GLRX3: variants seen among roughly 807,000 people sequenced by gnomAD.
GLRX3 encodes the protein glutaredoxin-3.
In GLRX3, 22 loss-of-function variants were observed where a neutral mutation model predicts 49.5. That is an observed-to-expected ratio of 0.44 (90% CI 0.32 to 0.63). GLRX3 has a LOEUF of 0.63. GLRX3 is among the 30% of genes least tolerant of loss of function. The pLI is 0.05. For missense variants in GLRX3, 385 were observed against 396.3 expected (o/e 0.97, Z 0.24); for synonymous variants, 133 against 140.0 (o/e 0.95, Z 0.35).
intron 2 of GLRX3, among the ~76,000 whole-genome samples, chr10:130,151,578 G>A (rs924067293): frequency 2.0e-5 from 3 of 151,566 alleles, no homozygotes; most frequent in African/African-American, 7.3e-5. Flanking sequence ...GTGTCCATGT[G>A]TTCTCATTGT....
intron 4 of GLRX3, among the ~76,000 whole-genome samples, chr10:130,164,158 T>A (rs1862636729): frequency 2.6e-5 from 4 of 152,166 alleles, no homozygotes; most frequent in Admixed American, 2.6e-4. Context: ...ACCTGCAGAA[T>A]TGTATGGTGT....
At chr10:130,170,975 A>G (rs1488035781) in intron 7 of GLRX3, among the ~76,000 whole-genome samples, 1 of 152,072 alleles carries the variant, frequency 6.6e-6, no homozygotes, top group Non-Finnish European at 1.5e-5. Flanking sequence ...AAAAATACAA[A>G]AAGTTTGCTG....
At position 130,166,706 on chromosome 10, in the gene GLRX3, T is replaced by C. The variant is rs372431410; in HGVS notation, c.651+27T>C. On this transcript the variant is annotated intron_variant, in intron 5 of 10. Coordinates refer to ENST00000331244, the MANE Select transcript of GLRX3 (RefSeq NM_006541.5). ...TTAGAATTGAGAAGTCTGTGCTTTG[T>C]AAAGAAATTCCATTTAGAGCATACT... 9.0e-6 allele frequency: 13 copies of C among 1,447,718 alleles called. No homozygotes were observed. The African/African-American group carries it at 1.6e-4, about 17-fold the overall frequency. The allele number at this position is 1,447,718 out of a possible 1,614,324, so 89.7% of individuals were successfully genotyped here.
At chr10:130,168,471 C>A (rs1862736491) in intron 6 of GLRX3, among the ~76,000 whole-genome samples, 1 of 152,050 alleles carries the variant, frequency 6.6e-6, no homozygotes, top group African/African-American at 2.4e-5. Flanking sequence ...TTGAGACGGA[C>A]TCTGGCTCTG....
intron 4 of GLRX3, among the ~76,000 whole-genome samples, chr10:130,164,814 G>T (rs1862650558): frequency 6.6e-6 from 1 of 152,192 alleles, no homozygotes; most frequent in East Asian, 1.9e-4. Context: ...TTCTCAGCCA[G>T]TTACAGTAAA....
intron 4 of GLRX3, among the ~76,000 whole-genome samples, chr10:130,162,168 T>G (rs571124092): frequency 1.2e-4 from 19 of 152,208 alleles, no homozygotes; most frequent in African/African-American, 4.3e-4. Flanking sequence ...TTAGTAGAGA[T>G]AGGGTTTGTC....
At chr10:130,148,389 C>T (rs1183076029) in intron 2 of GLRX3, among the ~76,000 whole-genome samples, 1 of 147,050 alleles carries the variant, frequency 6.8e-6, no homozygotes, top group East Asian at 2.0e-4. Flanking sequence ...CCTTGGCCTC[C>T]CAAAGTGCTC....
intron 8 of GLRX3, among the ~76,000 whole-genome samples, chr10:130,172,587 A>G (rs1862833207): frequency 6.6e-6 from 1 of 152,230 alleles, no homozygotes; most frequent in Non-Finnish European, 1.5e-5. Flanking sequence ...TCTTTGATAT[A>G]CTTCAAAGAT....
chr10:130,170,532 G>A (rs1289502290), intron 7 of GLRX3, among the ~76,000 whole-genome samples: 1 of 151,954 alleles, frequency 6.6e-6, no homozygotes, highest in African/African-American at 2.4e-5. Context: ...ATTAGGTTAG[G>A]GCCTAAATTC....
chr10:130,162,281 T>C (rs1862589603), intron 4 of GLRX3, among the ~76,000 whole-genome samples: 1 of 152,150 alleles, frequency 6.6e-6, no homozygotes, highest in Non-Finnish European at 1.5e-5. Context: ...CCATGAATTC[T>C]GTCTTAAAAG....
At chr10:130,161,260 G>A (rs1862571876) in intron 4 of GLRX3, among the ~76,000 whole-genome samples, 2 of 152,202 alleles carry the variant, frequency 1.3e-5, no homozygotes, top group African/African-American at 4.8e-5. Flanking sequence ...GAAGTCCTCA[G>A]ACTCAAAGAT....
intron 1 of GLRX3, among the ~76,000 whole-genome samples, chr10:130,139,136 T>A (rs1862125039): frequency 1.3e-5 from 2 of 151,442 alleles, no homozygotes; most frequent in South Asian, 4.2e-4. Context: ...ATTACAGGCA[T>A]GAGCCACTGC....
At chr10:130,176,140 T>G (rs1188894818) in intron 10 of GLRX3, among the ~76,000 whole-genome samples, 1 of 152,034 alleles carries the variant, frequency 6.6e-6, no homozygotes, top group African/African-American at 2.4e-5. Flanking sequence ...CATTTTTTTT[T>G]GAGAGAGTTT....
chr10:130,141,006 C>T (rs547834842), intron 1 of GLRX3, among the ~76,000 whole-genome samples: 2 of 152,294 alleles, frequency 1.3e-5, no homozygotes, highest in South Asian at 2.1e-4. Context: ...AAGTACTTCT[C>T]GTCATCCTTT....
chr10:130,155,125 C>G (rs1239859259), intron 2 of GLRX3, among the ~76,000 whole-genome samples: 1 of 152,082 alleles, frequency 6.6e-6, no homozygotes, highest in East Asian at 1.9e-4. Context: ...GTGTGAGCTA[C>G]TGTGCCAGCA....
At chr10:130,148,433 CTT>C (rs57482969) in intron 2 of GLRX3, among the ~76,000 whole-genome samples, 5,522 of 69,974 alleles carry the variant, frequency 0.079, 86 homozygotes, top group Admixed American at 0.089. Context: ...GCCCTTCAGT[CTT>C]TTTTTTTTTT....
intron 2 of GLRX3, among the ~76,000 whole-genome samples, chr10:130,151,701 T>A (rs1047230620): frequency 7.9e-5 from 12 of 152,232 alleles, no homozygotes; most frequent in African/African-American, 2.9e-4. Flanking sequence ...GGACATGAAC[T>A]CATCCTTTTT....
At chr10:130,157,116 A>G (rs1441841100) in intron 2 of GLRX3, among the ~76,000 whole-genome samples, 1 of 152,142 alleles carries the variant, frequency 6.6e-6, no homozygotes, top group Non-Finnish European at 1.5e-5. Context: ...CTAATAGGAT[A>G]GGTACAGATA....
At chr10:130,171,121 A>T (rs531797293) in intron 7 of GLRX3, among the ~76,000 whole-genome samples, 16 of 151,372 alleles carry the variant, frequency 1.1e-4, no homozygotes, top group African/African-American at 3.6e-4. Context: ...TCTGTCTCAA[A>T]AAATAAATAA....
Sources: allele counts gnomAD v4.1 joint callset (sites outside exome capture counted in the v4.1 genomes callset), GRCh38; gene constraint gnomAD v4.1.1; transcripts MANE v1.5; gene names NCBI Gene and HGNC (gene_info 2026-07-23, HGNC 2026-07-21).